The following ELP1 variants were observed in gnomAD, a reference collection of about 807,000 sequenced individuals.
The protein encoded by ELP1 is elongator complex protein 1.
A neutral mutation model predicts 183.2 loss-of-function variants in ELP1; 131 were observed. The ratio of observed to expected loss-of-function variants is 0.72; its 90% CI spans 0.62 to 0.83. ELP1 has a LOEUF of 0.83. ELP1 is among the 40% of genes least tolerant of loss of function. The pLI is 0.00. For synonymous variants in ELP1, 555 were observed against 569.0 expected (o/e 0.98, Z 0.35); for missense variants, 1,550 against 1,594.9 (o/e 0.97, Z 0.48).
intron 36 of ELP1, among the ~76,000 whole-genome samples, chr9:108,871,488 T>C (rs1239844693): frequency 6.6e-6 from 1 of 152,216 alleles, no homozygotes; most frequent in African/African-American, 2.4e-5. Flanking sequence ...CTTCTTGTTG[T>C]ATGGTACAAC....
At position 108,906,366 on chromosome 9, in the gene ELP1, A is replaced by G. The variant is rs1367843785; in HGVS notation, c.1580T>C (p.Val527Ala). The G allele has an allele frequency of 6.2e-7, 1 of 1,614,134 alleles. No individual in the cohort carries two copies. Among genetic ancestry groups the G allele is most frequent in the South Asian group, 1.1e-5 (1 of 91,082 alleles). Residue 527 changes from valine (V) to alanine (A), a missense_variant, in exon 14 of 37, where the codon GTC (valine) becomes GCC (alanine). Transcript: ENST00000374647. ...VSHSEFSPRSVIHHLTAASSE... is the reference protein window; with the variant it reads ...VSHSEFSPRSAIHHLTAASSE... ...AGAAGCTGCAGTCAAATGGTGAATG[A>G]CAGACCGGGGGCTGAACTCACTGTG...
chr9:108,915,014 T>C (rs747463762), intron 10 of ELP1, among the ~76,000 whole-genome samples: 44 of 152,232 alleles, frequency 2.9e-4, no homozygotes, highest in Admixed American at 1.3e-4. Flanking sequence ...AAAATTTGAA[T>C]AGTGATTATT....
At chr9:108,872,826 A>AC (rs1827533751) in intron 36 of ELP1, among the ~76,000 whole-genome samples, 1 of 111,162 alleles carries the variant, frequency 9.0e-6, no homozygotes, top group Non-Finnish European at 2.2e-5. Flanking sequence ...AAAAAAAAAA[A>AC]AAAAAAAAAA....
At chr9:108,895,005 G>C (rs182416885) in intron 25 of ELP1, among the ~76,000 whole-genome samples, 1 of 152,264 alleles carries the variant, frequency 6.6e-6, no homozygotes, top group East Asian at 1.9e-4. Flanking sequence ...CCAGCACTCT[G>C]GGAGGCCGAG....
At chr9:108,872,775 C>T (rs974466703) in intron 36 of ELP1, among the ~76,000 whole-genome samples, 2 of 128,922 alleles carry the variant, frequency 1.6e-5, no homozygotes, top group African/African-American at 6.3e-5. Context: ...ACTGCACTCC[C>T]GCCTGGGCCA....
chr9:108,871,796 C>T (rs1202746088), intron 36 of ELP1, among the ~76,000 whole-genome samples: 1 of 152,208 alleles, frequency 6.6e-6, no homozygotes, highest in Non-Finnish European at 1.5e-5. Flanking sequence ...GTATGCCTTT[C>T]TCATAGCAAT....
chr9:108,892,807 A>T (rs1470353288), intron 27 of ELP1, among the ~76,000 whole-genome samples, 179 bp downstream of exon 27: 3 of 152,180 alleles, frequency 2.0e-5, no homozygotes, highest in Non-Finnish European at 4.4e-5. Flanking sequence ...GGTATTCCAG[A>T]TGAGGAATCA....
chr9:108,870,816 G>C (rs1300909222), intron 36 of ELP1, among the ~76,000 whole-genome samples: 3 of 152,034 alleles, frequency 2.0e-5, no homozygotes, highest in African/African-American at 7.2e-5. Context: ...TTTATTTTCT[G>C]GCACTGCTTC....
chr9:108,919,160 A>C, intron 7 of ELP1, 93 bp downstream of exon 7: 1 of 853,238 alleles, frequency 1.2e-6, no homozygotes, highest in Non-Finnish European at 1.9e-6. Context: ...TGTATAATTA[A>C]TACCCTACTC....
chr9:108,900,805 C>T (rs897871295), intron 18 of ELP1, among the ~76,000 whole-genome samples: 14 of 136,388 alleles, frequency 1.0e-4, no homozygotes, highest in East Asian at 4.6e-4. Flanking sequence ...CACACATACA[C>T]GCCACACACA....
At chr9:108,870,318 C>T (rs113259766) in intron 36 of ELP1, among the ~76,000 whole-genome samples, 5 of 152,062 alleles carry the variant, frequency 3.3e-5, no homozygotes, top group South Asian at 2.1e-4. Flanking sequence ...TACTGTTGTT[C>T]GGCAGTGTAT....
chr9:108,929,975 T>A, intron 2 of ELP1, 54 bp from the exon 3 acceptor site: 1 of 1,571,042 alleles, frequency 6.4e-7, no homozygotes. Flanking sequence ...CAAGAATAAT[T>A]GATAACATTT....
intron 27 of ELP1, 99 bp downstream of exon 27, chr9:108,892,887 T>C (rs370445655): frequency 1.2e-5 from 10 of 839,256 alleles, no homozygotes; most frequent in East Asian, 4.8e-5. Context: ...AAGATAAATT[T>C]TGAAGCCAAG....
At chr9:108,925,243 A>G (rs1401288018) in intron 5 of ELP1, among the ~76,000 whole-genome samples, 1 of 152,164 alleles carries the variant, frequency 6.6e-6, no homozygotes, top group Non-Finnish European at 1.5e-5. Flanking sequence ...CAAAACTTGT[A>G]ATGGCTGATC....
intron 6 of ELP1, among the ~76,000 whole-genome samples, chr9:108,920,831 T>C (rs1829619055): frequency 6.6e-6 from 1 of 152,190 alleles, no homozygotes. Context: ...TACTGGATAG[T>C]ACATTAGATA....
In ELP1 at chr9:108,929,260, A is replaced by T. The variant is rs137862021; in HGVS notation, c.303+509T>A. Among the ~76,000 whole-genome samples the T allele has an allele frequency of 6.4e-3, 975 of 152,362 alleles. 15 individuals are homozygous for T. Among genetic ancestry groups the T allele is most frequent in the African/African-American group, 0.023 (937 of 41,586 alleles). On this transcript the variant is annotated intron_variant, in intron 3 of 36. Coordinates refer to ENST00000374647, the MANE Select transcript of ELP1 (RefSeq NM_003640.5). ...ATAGAAATCAGAAACTCAACTATAC[A>T]CTAAAGTAGAGAAAGAAGCAATTGC...
chr9:108,919,481 G>A (rs56366294), intron 6 of ELP1, 132 bp from the exon 7 acceptor site: 2 of 597,924 alleles, frequency 3.3e-6, no homozygotes, highest in Non-Finnish European at 6.1e-6. Context: ...TCTAGAATCA[G>A]AAACCATCCA....
intron 20 of ELP1, 137 bp downstream of exon 20, chr9:108,899,685 C>A (rs1828695223): frequency 3.0e-6 from 2 of 658,844 alleles, no homozygotes; most frequent in Non-Finnish European, 2.6e-6. Context: ...AAAAAAAGAG[C>A]CTCTAAGAAT....
chr9:108,901,777 C>T (rs766732964), intron 16 of ELP1, 96 bp from the exon 17 acceptor site: 35 of 1,173,166 alleles, frequency 3.0e-5, no homozygotes, highest in Non-Finnish European at 3.8e-5. Context: ...TATGATTTCA[C>T]ACCTAAGTTC....
Sources: allele counts gnomAD v4.1 joint callset (sites outside exome capture counted in the v4.1 genomes callset), GRCh38; gene constraint gnomAD v4.1.1; transcripts MANE v1.5; gene names NCBI Gene and HGNC (gene_info 2026-07-23, HGNC 2026-07-21).